The following VPS39 variants were observed in gnomAD, a reference collection of about 807,000 sequenced individuals.
VPS39 encodes the protein vam6/Vps39-like protein.
VPS39 carries 70 observed loss-of-function variants against 121.0 expected under a neutral mutation model. The ratio of observed to expected loss-of-function variants is 0.58; its 90% CI spans 0.48 to 0.71. The LOEUF (loss-of-function observed/expected upper bound fraction) is 0.71. Among genes scored for constraint, VPS39 ranks in the 30% least tolerant of loss-of-function variants. The pLI, the probability that VPS39 is intolerant of heterozygous loss-of-function variation, is 0.00. For missense variants in VPS39, 818 were observed against 1,051.5 expected, an observed-to-expected ratio of 0.78 and a Z score of 3.07; for synonymous variants, 378 against 398.1, an observed-to-expected ratio of 0.95 and a Z score of 0.60.
Position 42,161,962 on chromosome 15 carries a change from G to A in VPS39, c.2460+70C>T, listed in dbSNP as rs192207968. On this transcript the variant is annotated intron_variant, in intron 23 of 24. Coordinates refer to ENST00000318006, the MANE Select transcript of VPS39 (RefSeq NM_015289.5). The stretch of plus-strand genomic sequence containing the variant: ...GTACAGGCTCTGCCTTGGTCAGAAG[G>A]GAACATGTGGACATTGTCTCATACT... The A allele has an allele frequency of 2.5e-4, 395 of 1,605,344 alleles. No individual in the cohort carries two copies. The Middle Eastern group carries it at 2.7e-3, about 11-fold the overall frequency.
intron 15 of VPS39, 127 bp downstream of exon 15, chr15:42,166,436 G>T: frequency 8.2e-7 from 1 of 1,217,528 alleles, no homozygotes; most frequent in Non-Finnish European, 1.2e-6. Flanking sequence ...TATGCCATTT[G>T]GAGGAATGAA....
intron 2 of VPS39, among the ~76,000 whole-genome samples, chr15:42,194,569 C>T (rs1357626572): frequency 6.6e-6 from 1 of 152,034 alleles, no homozygotes; most frequent in African/African-American, 2.4e-5. Context: ...CTCATCTTTA[C>T]AAGAAGTGAA....
At chr15:42,205,858 A>G (rs542175482) in intron 1 of VPS39, among the ~76,000 whole-genome samples, 30 of 152,320 alleles carry the variant, frequency 2.0e-4, no homozygotes, top group African/African-American at 7.0e-4. Context: ...TTTCAGATTT[A>G]TTCTAGGGGT....
At position 42,191,495 on chromosome 15, in the gene VPS39, C is replaced by T. The variant is rs2049826570; in HGVS notation, c.204+1G>A. The T allele has an allele frequency of 6.2e-7, 1 of 1,613,850 alleles. No individual in the cohort carries two copies. The highest frequency in any genetic ancestry group is 1.3e-5 in the African/African-American group (1 of 74,922). On this transcript the variant is annotated splice_donor_variant, in intron 3 of 24. Coordinates refer to ENST00000318006, the MANE Select transcript of VPS39 (RefSeq NM_015289.5). LOFTEE classifies it high-confidence loss of function. ...TTGTAAGGACTGCCATCACTGCTTA[C>T]CTGCTGAATCTTTTTGGAGAAGTTC...
intron 19 of VPS39, 119 bp downstream of exon 19, chr15:42,164,239 G>T: frequency 6.8e-7 from 1 of 1,463,890 alleles, no homozygotes; most frequent in South Asian, 1.3e-5. Context: ...GCACTGGCCT[G>T]AAATGCCTGG....
chr15:42,166,383 T>C, intron 15 of VPS39, 151 bp from the exon 16 acceptor site: 2 of 1,114,030 alleles, frequency 1.8e-6, no homozygotes, highest in South Asian at 1.5e-5. Context: ...CTGGGCTGGC[T>C]CCATACCAGG....
chr15:42,191,300 A>C, intron 3 of VPS39, 133 bp from the exon 4 acceptor site: 1 of 1,206,176 alleles, frequency 8.3e-7, no homozygotes. Flanking sequence ...TTTTCTGGGC[A>C]CTATAATTTC....
chr15:42,188,132 C>T (rs1188674216), intron 5 of VPS39, among the ~76,000 whole-genome samples: 1 of 152,172 alleles, frequency 6.6e-6, no homozygotes, highest in East Asian at 1.9e-4. Flanking sequence ...AATCCTGGGG[C>T]AGTCCTTCCC....
Position 42,187,303 on chromosome 15 carries a change from C to A in VPS39, c.502G>T (p.Val168Leu). The A allele has an allele frequency of 6.2e-7, 1 of 1,613,246 alleles. No individual in the cohort carries two copies. The change falls in exon 7 of 25, where the codon GTG becomes TTG. Residue 168 changes from valine (V) to leucine (L), a missense_variant. By Grantham distance (32) the Val-to-Leu change is conservative (BLOSUM62 1). Transcript: ENST00000318006. ...SMAWCENSICVGFKRDYYLIR... is the reference protein window; with the variant it reads ...SMAWCENSICLGFKRDYYLIR... ...AGGTAGTAGTCTCTCTTGAAACCCA[C>A]ACAGATAGAATTTTCACACCACGCC...
intron 8 of VPS39, among the ~76,000 whole-genome samples, chr15:42,183,399 G>C (rs570640119): frequency 6.6e-6 from 1 of 152,214 alleles, no homozygotes; most frequent in African/African-American, 2.4e-5. Context: ...ACTGTGCCCG[G>C]CCAGAACATG....
intron 7 of VPS39, 57 bp downstream of exon 7, chr15:42,187,214 A>C: frequency 2.8e-6 from 4 of 1,413,882 alleles, no homozygotes; most frequent in Non-Finnish European, 3.9e-6. Flanking sequence ...AGTTTGGAGC[A>C]GATAATCATC....
At chr15:42,191,637 C>A in intron 2 of VPS39, 77 bp from the exon 3 acceptor site, 2 of 1,207,074 alleles carry the variant, frequency 1.7e-6, no homozygotes, top group East Asian at 2.3e-5. Context: ...AAATACTGCT[C>A]CATACTGCTC....
chr15:42,158,910 G>C lies in VPS39; in HGVS notation c.*1844C>G, dbSNP rs7086. The C allele has an allele frequency of 0.37, 55,671 of 152,192 alleles. 17,266 individuals are homozygous for C. The highest frequency in any genetic ancestry group is 0.83 in the African/African-American group (34,626 of 41,484). 9.4% of individuals were successfully genotyped at this position (152,192 alleles called of 1,614,324 possible). On this transcript the variant is annotated 3_prime_UTR_variant, in exon 25 of 25. Transcript: ENST00000318006. ...ACATTCTTTATTCTATTGCTTCAAAGACAGTTTGTGAGAATGGAAGATAAC... is the reference window on the plus strand; with the variant it reads ...ACATTCTTTATTCTATTGCTTCAAACACAGTTTGTGAGAATGGAAGATAAC...
chr15:42,193,698 G>GA (rs1403032769), intron 2 of VPS39, among the ~76,000 whole-genome samples: 2 of 152,084 alleles, frequency 1.3e-5, no homozygotes, highest in Non-Finnish European at 2.9e-5. Flanking sequence ...AATCTCATCA[G>GA]AAAAAATCTT....
chr15:42,161,775 T>C lies in VPS39; in HGVS notation c.2461-2A>G. On this transcript the variant is annotated splice_acceptor_variant, in intron 23 of 24. Coordinates refer to ENST00000318006, the MANE Select transcript of VPS39 (RefSeq NM_015289.5). LOFTEE classifies it high-confidence loss of function. ...GTGTAAAATCCGCTCTTCCTGGACC[T>C]GGAAGAACAGGGGGATTGAGGAAGA... 6.2e-7 allele frequency: 1 copy of C among 1,613,762 alleles called. No individual in the cohort carries two copies. Among genetic ancestry groups the C allele is most frequent in the South Asian group, 1.1e-5 (1 of 91,062 alleles).
chr15:42,191,991 T>C lies in VPS39; in HGVS notation c.140-431A>G, dbSNP rs1420948161. The C allele has an allele frequency of 3.4e-6, 5 of 1,476,454 alleles. No homozygotes were observed. The African/African-American group carries it at 7.0e-5, about 21-fold the overall frequency. 91.5% of individuals were successfully genotyped at this position (1,476,454 alleles called of 1,614,324 possible). ...ATTTCCAGCAACTATTCTAACTAAGTTCTGTATCACGGAGACAGAGCAAAC... is the reference window on the plus strand; with the variant it reads ...ATTTCCAGCAACTATTCTAACTAAGCTCTGTATCACGGAGACAGAGCAAAC... On this transcript the variant is annotated intron_variant, in intron 2 of 24. Coordinates refer to ENST00000318006, the MANE Select transcript of VPS39 (RefSeq NM_015289.5).
At chr15:42,200,283 AATT>A (rs1487484856) in intron 1 of VPS39, among the ~76,000 whole-genome samples, 2 of 152,046 alleles carry the variant, frequency 1.3e-5, no homozygotes, top group East Asian at 3.8e-4. Flanking sequence ...TTTAAGATTA[AATT>A]ATTATGATTT....
intron 3 of VPS39, 108 bp from the exon 4 acceptor site, chr15:42,191,275 A>T (rs1487990429): frequency 7.4e-7 from 1 of 1,347,864 alleles, no homozygotes; most frequent in African/African-American, 1.5e-5. Context: ...ATCCAGTTAC[A>T]GGGATCTCAC....
intron 8 of VPS39, among the ~76,000 whole-genome samples, chr15:42,183,424 A>G (rs914526897): frequency 2.0e-5 from 3 of 152,050 alleles, no homozygotes; most frequent in Non-Finnish European, 4.4e-5. Flanking sequence ...TTTTATCAAG[A>G]CATTCTACCA....
Sources: allele counts gnomAD v4.1 joint callset (sites outside exome capture counted in the v4.1 genomes callset), GRCh38; gene constraint gnomAD v4.1.1; transcripts MANE v1.5; gene names NCBI Gene and HGNC (gene_info 2026-07-23, HGNC 2026-07-21).